Variants in AFAP1 observed in about 807,000 individuals in gnomAD.
AFAP1 encodes actin filament associated protein 1.
AFAP1 carries 75 observed loss-of-function variants against 93.9 expected under a neutral mutation model. That is an observed-to-expected ratio of 0.80 (90% confidence interval 0.66 to 0.97). The LOEUF (loss-of-function observed/expected upper bound fraction) is 0.97, where lower values mean the gene tolerates loss of function less well. Among genes scored for constraint, AFAP1 ranks in the 50% least tolerant of loss-of-function variants. The pLI, the probability that AFAP1 is intolerant of heterozygous loss-of-function variation, is 0.00. For synonymous variants in AFAP1, 517 were observed against 430.7 expected, an observed-to-expected ratio of 1.20 and a Z score of -2.48; for missense variants, 1,201 against 1,050.8, an observed-to-expected ratio of 1.14 and a Z score of -1.98.
At chr4:7,810,595 C>T (rs367604153) in intron 8 of AFAP1, among the ~76,000 whole-genome samples, 6 of 152,330 alleles carry the variant, frequency 3.9e-5, no homozygotes, top group African/African-American at 1.4e-4. Context: ...AGACCAGGGG[C>T]CTGCCTTCCA....
chr4:7,872,272 C>T, intron 1 of AFAP1, 192 bp from the exon 2 acceptor site: 1 of 604,032 alleles, frequency 1.7e-6, no homozygotes, highest in Non-Finnish European at 2.7e-6. Flanking sequence ...AAATGCACTA[C>T]TCCTTTGCTT....
intron 3 of AFAP1, among the ~76,000 whole-genome samples, chr4:7,860,898 G>A (rs1188669160): frequency 6.6e-6 from 1 of 152,184 alleles, no homozygotes; most frequent in Non-Finnish European, 1.5e-5. Context: ...GCACCTTCAT[G>A]CCTTCCACTG....
intron 6 of AFAP1, among the ~76,000 whole-genome samples, chr4:7,820,766 G>A (rs868178767): frequency 6.6e-6 from 1 of 152,156 alleles, no homozygotes; most frequent in Non-Finnish European, 1.5e-5. Flanking sequence ...GGAGGGAAGA[G>A]GGAGGAGGCA....
intron 1 of AFAP1, among the ~76,000 whole-genome samples, chr4:7,906,956 C>G (rs370802679): frequency 5.2e-4 from 78 of 149,804 alleles, no homozygotes; most frequent in African/African-American, 1.8e-3. Flanking sequence ...GAGCTGAGGT[C>G]GCGCCACTGC....
At chr4:7,860,282 T>G (rs559019171) in intron 3 of AFAP1, among the ~76,000 whole-genome samples, 1 of 149,894 alleles carries the variant, frequency 6.7e-6, no homozygotes, top group Non-Finnish European at 1.5e-5. Flanking sequence ...TGTGTGTGTA[T>G]ATGTGTGACA....
chr4:7,901,104 T>C (rs1473143711), intron 1 of AFAP1, among the ~76,000 whole-genome samples: 1 of 152,224 alleles, frequency 6.6e-6, no homozygotes, highest in Admixed American at 6.5e-5. Context: ...CTGTGTTGAA[T>C]GCAGTTTGGG....
chr4:7,856,590 A>G (rs1054985270), intron 3 of AFAP1, among the ~76,000 whole-genome samples: 3 of 152,184 alleles, frequency 2.0e-5, no homozygotes, highest in African/African-American at 7.2e-5. Context: ...CTGGTTGTGA[A>G]GCCATAGCCT....
At chr4:7,813,816 A>G (rs556600537) in intron 8 of AFAP1, among the ~76,000 whole-genome samples, 10 of 152,306 alleles carry the variant, frequency 6.6e-5, no homozygotes, top group East Asian at 5.8e-4. Context: ...CTGTAATGTC[A>G]TAACAGTCCA....
At chr4:7,906,057 A>G (rs1274593488) in intron 1 of AFAP1, among the ~76,000 whole-genome samples, 1 of 152,220 alleles carries the variant, frequency 6.6e-6, no homozygotes, top group Non-Finnish European at 1.5e-5. Flanking sequence ...TCCAAAATGA[A>G]TAGAAACCTC....
At chr4:7,850,017 C>A (rs1714255650) in intron 4 of AFAP1, among the ~76,000 whole-genome samples, 2 of 152,050 alleles carry the variant, frequency 1.3e-5, no homozygotes, top group South Asian at 4.1e-4. Context: ...AGGAGAGAAG[C>A]CCTCAGACGA....
intron 6 of AFAP1, among the ~76,000 whole-genome samples, chr4:7,836,118 C>A (rs1359360422): frequency 6.6e-6 from 1 of 151,970 alleles, no homozygotes; most frequent in East Asian, 1.9e-4. Flanking sequence ...CAAAGTGGAT[C>A]AAAAATCTAA....
intron 1 of AFAP1, among the ~76,000 whole-genome samples, chr4:7,899,045 T>C (rs1718967455): frequency 1.3e-5 from 2 of 150,854 alleles, no homozygotes; most frequent in Non-Finnish European, 1.5e-5. Context: ...ATATAAGTAA[T>C]ACATACCCCA....
chr4:7,867,901 C>T (rs981570410), intron 3 of AFAP1, among the ~76,000 whole-genome samples: 3 of 152,078 alleles, frequency 2.0e-5, no homozygotes, highest in African/African-American at 4.8e-5. Context: ...TCCCACCGTT[C>T]GTATCCTGGC....
At chr4:7,901,620 G>A (rs1161440126) in intron 1 of AFAP1, among the ~76,000 whole-genome samples, 2 of 152,176 alleles carry the variant, frequency 1.3e-5, no homozygotes, top group Non-Finnish European at 2.9e-5. Context: ...GGGAAGGTAG[G>A]GAAGAGGGCA....
At chr4:7,893,308 C>T (rs1198792262) in intron 1 of AFAP1, among the ~76,000 whole-genome samples, 2 of 152,190 alleles carry the variant, frequency 1.3e-5, no homozygotes, top group Admixed American at 6.5e-5. Context: ...TGGCTGGGTG[C>T]GGTGGCTCAC....
chr4:7,903,098 T>A (rs1719208251), intron 1 of AFAP1, among the ~76,000 whole-genome samples: 2 of 152,338 alleles, frequency 1.3e-5, no homozygotes, highest in African/African-American at 4.8e-5. Flanking sequence ...CTGCTTATGA[T>A]CCCTATTCAC....
chr4:7,873,341 CCT>C (rs1717229266), intron 1 of AFAP1, among the ~76,000 whole-genome samples: 1 of 101,534 alleles, frequency 9.8e-6, no homozygotes, highest in Non-Finnish European at 1.9e-5. Context: ...TGAAGACACA[CCT>C]TTTTTTTTTT....
chr4:7,920,075 T>G (rs1028467837), intron 1 of AFAP1, among the ~76,000 whole-genome samples: 4 of 152,220 alleles, frequency 2.6e-5, no homozygotes, highest in Admixed American at 6.5e-5. Context: ...CTGTCTTTGC[T>G]ACTGTGAACA....
intron 9 of AFAP1, among the ~76,000 whole-genome samples, chr4:7,805,442 G>A (rs947543707): frequency 6.6e-6 from 1 of 152,096 alleles, no homozygotes; most frequent in African/African-American, 2.4e-5. Context: ...TGCATTTACT[G>A]TGCCTTGGAT....
Sources: gnomAD v4.1 joint callset for allele counts (sites outside exome capture counted in the v4.1 genomes callset) on GRCh38, gnomAD v4.1.1 for gene constraint, MANE v1.5 for transcripts, NCBI Gene and HGNC (gene_info 2026-07-23, HGNC 2026-07-21) for gene names.